SH3RF3: variants seen among roughly 807,000 people sequenced by gnomAD.
SH3RF3 encodes SH3 domain containing ring finger 3.
Under a neutral mutation model 66.3 loss-of-function variants are expected in SH3RF3, and 29 were observed. The observed-to-expected ratio is 0.44, with a 90% CI of 0.33 to 0.60. SH3RF3 has a LOEUF of 0.60. SH3RF3 is among the 20% of genes least tolerant of loss of function. The probability of loss-of-function intolerance (pLI) is 0.04; values close to 1 mark genes in which losing one functional copy is unlikely to be tolerated. For synonymous variants in SH3RF3, 583 were observed against 532.0 expected (o/e 1.10, Z -1.32); for missense variants, 1,194 against 1,190.9 (o/e 1.00, Z -0.04).
At chr2:109,414,471 A>G (rs1203533367) in intron 4 of SH3RF3, among the ~76,000 whole-genome samples, 15 of 152,172 alleles carry the variant, frequency 9.9e-5, no homozygotes, top group Admixed American at 9.2e-4. Context: ...CATCATGGTC[A>G]GAGCAGAAGT....
chr2:109,437,845 T>C (rs904811137), intron 7 of SH3RF3, among the ~76,000 whole-genome samples: 4 of 152,176 alleles, frequency 2.6e-5, no homozygotes, highest in Admixed American at 2.6e-4. Flanking sequence ...TAATAAGAAC[T>C]GCTGATGCTG....
At chr2:109,346,891 A>G (rs1682721726) in intron 1 of SH3RF3, among the ~76,000 whole-genome samples, 1 of 152,214 alleles carries the variant, frequency 6.6e-6, no homozygotes, top group African/African-American at 2.4e-5. Context: ...ACAGACTGCT[A>G]CAAGTACATG....
At chr2:109,348,037 C>T in intron 2 of SH3RF3, 88 bp downstream of exon 2, 3 of 1,475,040 alleles carry the variant, frequency 2.0e-6, no homozygotes, top group Non-Finnish European at 2.7e-6. Context: ...TATAGCCAGA[C>T]AGTCTTTCTT....
At chr2:109,253,694 C>G (rs1355958792) in intron 1 of SH3RF3, among the ~76,000 whole-genome samples, 3 of 152,074 alleles carry the variant, frequency 2.0e-5, no homozygotes, top group African/African-American at 7.2e-5. Flanking sequence ...ATTTGGCTGT[C>G]TGGAAAATAG....
chr2:109,419,450 A>G (rs573130788), intron 4 of SH3RF3, 89 bp from the exon 5 acceptor site: 4 of 1,330,792 alleles, frequency 3.0e-6, no homozygotes, highest in Non-Finnish European at 4.1e-6. Context: ...AAGCACAGGC[A>G]CCTGTGGATG....
At position 109,458,572 on chromosome 2, in the gene SH3RF3, C is replaced by CAGAGAGAGAGAGGGAGAGAGAGAGAG. The variant is rs1678123066; in HGVS notation, c.2148+9095_2148+9096insGGAGAGAGAGAGAGAGAGAGAGAGAG. On this transcript the variant is annotated intron_variant, in intron 8 of 9. Transcript: ENST00000309415. Reference sequence around the variant, plus strand: ...CCAGAGAAACAGAACCAGCAGGAGACAGAGAGAGAGAGAGAGAGAGAGAGA... The same window carrying CAGAGAGAGAGAGGGAGAGAGAGAGAG: ...CCAGAGAAACAGAACCAGCAGGAGACAGAGAGAGAGAGGGAGAGAGAGAGAGAGAGAGAGAGAGAGAGAGAGAGAGA... Among the ~76,000 whole-genome samples, 3 of 122,978 alleles carry CAGAGAGAGAGAGGGAGAGAGAGAGAG rather than the reference C, an allele frequency of 2.4e-5. 1 individual carries two copies. Among genetic ancestry groups the CAGAGAGAGAGAGGGAGAGAGAGAGAG allele is most frequent in the Non-Finnish European group, 5.4e-5 (3 of 56,048 alleles). 80.7% of individuals were successfully genotyped at this position (122,978 alleles called of 152,430 possible).
chr2:109,447,096 G>A (rs1677726738), intron 7 of SH3RF3, among the ~76,000 whole-genome samples: 1 of 150,046 alleles, frequency 6.7e-6, no homozygotes, highest in South Asian at 2.1e-4. Context: ...AGCTGTGTTG[G>A]GTTAGGATCA....
At chr2:109,431,245 C>T (rs564124564) in intron 5 of SH3RF3, among the ~76,000 whole-genome samples, 17 of 152,336 alleles carry the variant, frequency 1.1e-4, no homozygotes, top group African/African-American at 3.8e-4. Context: ...TCAGCATCCC[C>T]ACCCAGCAGC....
chr2:109,237,090 A>C (rs1377306197), intron 1 of SH3RF3, among the ~76,000 whole-genome samples: 1 of 152,242 alleles, frequency 6.6e-6, no homozygotes, highest in Non-Finnish European at 1.5e-5. Flanking sequence ...AGAAATAAAC[A>C]AGAATGTCAG....
intron 1 of SH3RF3, among the ~76,000 whole-genome samples, chr2:109,330,682 G>GATGAGTGATGGATGGATGT (rs1242993071): frequency 5.3e-5 from 8 of 152,126 alleles, no homozygotes; most frequent in African/African-American, 1.7e-4. Context: ...TGGATGGATG[G>GATGAGTGATGGATGGATGT]ATGAATGATG....
chr2:109,417,159 G>A (rs554254194), intron 4 of SH3RF3, among the ~76,000 whole-genome samples: 14 of 152,332 alleles, frequency 9.2e-5, no homozygotes, highest in Middle Eastern at 6.8e-3. Context: ...CCTGTGGACA[G>A]TGGAGAAAGC....
chr2:109,397,394 T>C (rs1309087714), intron 3 of SH3RF3, among the ~76,000 whole-genome samples: 2 of 152,164 alleles, frequency 1.3e-5, no homozygotes, highest in African/African-American at 2.4e-5. Context: ...GTAGCAATCA[T>C]CCCATGATGA....
chr2:109,491,068 T>TC (rs1157496525), intron 9 of SH3RF3, 132 bp downstream of exon 9: 1 of 812,040 alleles, frequency 1.2e-6, no homozygotes, highest in African/African-American at 1.8e-5. Context: ...AACACCCAGA[T>TC]CCACATGGTC....
At chr2:109,283,415 C>G (rs898682521) in intron 1 of SH3RF3, among the ~76,000 whole-genome samples, 3 of 152,228 alleles carry the variant, frequency 2.0e-5, no homozygotes, top group Admixed American at 2.0e-4. Context: ...CAGTATTGAG[C>G]TCACAGAGGG....
chr2:109,192,026 C>T (rs985589690), intron 1 of SH3RF3, among the ~76,000 whole-genome samples: 2 of 152,106 alleles, frequency 1.3e-5, no homozygotes, highest in Admixed American at 6.5e-5. Context: ...GTCATTTTGG[C>T]GAACACAATT....
chr2:109,361,940 A>G (rs1185677658), intron 2 of SH3RF3, among the ~76,000 whole-genome samples: 2 of 152,140 alleles, frequency 1.3e-5, no homozygotes, highest in Admixed American at 6.5e-5. Flanking sequence ...TATTCCTGAT[A>G]TTAGTACTTT....
At chr2:109,263,346 T>G (rs575933241) in intron 1 of SH3RF3, among the ~76,000 whole-genome samples, 164 of 152,378 alleles carry the variant, frequency 1.1e-3, no homozygotes, top group Non-Finnish European at 2.0e-3. Flanking sequence ...GCATCAGATT[T>G]TCTCAGTTTT....
intron 1 of SH3RF3, among the ~76,000 whole-genome samples, chr2:109,173,118 T>A (rs557395100): frequency 6.6e-6 from 1 of 152,278 alleles, no homozygotes; most frequent in South Asian, 2.1e-4. Flanking sequence ...TGAACATCTT[T>A]TTTTAACTCA....
chr2:109,471,093 G>T (rs990881038), intron 8 of SH3RF3, among the ~76,000 whole-genome samples: 2 of 150,872 alleles, frequency 1.3e-5, no homozygotes, highest in African/African-American at 4.9e-5. Context: ...GTTGGCAGGT[G>T]CCTCTAATCC....
Sources: gnomAD v4.1 joint callset for allele counts (sites outside exome capture counted in the v4.1 genomes callset) on GRCh38, gnomAD v4.1.1 for gene constraint, MANE v1.5 for transcripts, NCBI Gene and HGNC (gene_info 2026-07-23, HGNC 2026-07-21) for gene names.